Variants in TMEM106B observed in about 807,000 individuals in gnomAD.
The protein encoded by TMEM106B is transmembrane protein 106B.
A neutral mutation model predicts 31.1 loss-of-function variants in TMEM106B; 15 were observed. The ratio of observed to expected loss-of-function variants is 0.48; its 90% CI spans 0.32 to 0.74. The LOEUF is 0.74. Among genes scored for constraint, TMEM106B ranks in the 30% least tolerant of loss-of-function variants. The pLI, the probability that TMEM106B is intolerant of heterozygous loss-of-function variation, is 0.03. For missense variants in TMEM106B, 283 were observed against 327.3 expected, an observed-to-expected ratio of 0.86 and a Z score of 1.04; for synonymous variants, 126 against 112.5, an observed-to-expected ratio of 1.12 and a Z score of -0.76.
At chr7:12,212,229 G>T (rs1562700948) in intron 1 of TMEM106B, among the ~76,000 whole-genome samples, 1 of 152,108 alleles carries the variant, frequency 6.6e-6, no homozygotes, top group Non-Finnish European at 1.5e-5. Context: ...TTCTCAACGC[G>T]CTCCAGTTAA....
rs1215613546 is a variant in TMEM106B, at chr7:12,235,574, C to T, written c.*3599C>T. 6.6e-6 allele frequency: 1 copy of T among 151,856 alleles called. No individual in the cohort carries two copies. Among genetic ancestry groups the T allele is most frequent in the Admixed American group, 6.6e-5 (1 of 15,232 alleles). 9.4% of individuals were successfully genotyped at this position (151,856 alleles called of 1,614,324 possible). ...TAACATATTAGGAGACTTGAAACTT[C>T]AGCCTAATAAATCCTTCATGGTTCT... On this transcript the variant is annotated 3_prime_UTR_variant, in exon 8 of 8. Coordinates refer to ENST00000396668, the MANE Select transcript of TMEM106B (RefSeq NM_001134232.2).
chr7:12,231,192 A>T, intron 7 of TMEM106B, 77 bp downstream of exon 7: 1 of 1,066,310 alleles, frequency 9.4e-7, no homozygotes, highest in Non-Finnish European at 1.4e-6. Context: ...TAATATACAC[A>T]ACATCTTTAT....
chr7:12,237,498 T>C lies in TMEM106B; in HGVS notation c.*5523T>C, dbSNP rs192438099. 2 of 152,264 alleles carry C rather than the reference T, an allele frequency of 1.3e-5. No homozygotes were observed. Among genetic ancestry groups the C allele is most frequent in the African/African-American group, 2.4e-5 (1 of 41,572 alleles). The allele number at this position is 152,264 out of a possible 1,614,324, so 9.4% of individuals were successfully genotyped here. On this transcript the variant is annotated 3_prime_UTR_variant, in exon 8 of 8. Transcript: ENST00000396668. ...ATACGTGAAATTTCCCTTGATATTATAGACATACCTTGGATATATTGCAGG... is the reference window on the plus strand; with the variant it reads ...ATACGTGAAATTTCCCTTGATATTACAGACATACCTTGGATATATTGCAGG...
In TMEM106B at chr7:12,216,962, G is replaced by C. The variant is rs187416094; in HGVS notation, c.218-1496G>C. Reference sequence around the variant, plus strand: ...AGAGAGAAAATAGATTTTCTGAGGGGTTTGGCTCCATAGCAGAGAGAAGAG... The same window carrying C: ...AGAGAGAAAATAGATTTTCTGAGGGCTTTGGCTCCATAGCAGAGAGAAGAG... On this transcript the variant is annotated intron_variant, in intron 2 of 7. Transcript: ENST00000396668. Among the ~76,000 whole-genome samples, 371 of 152,254 alleles carry C rather than the reference G, an allele frequency of 2.4e-3. 2 individuals are homozygous for C. Among genetic ancestry groups the C allele is most frequent in the African/African-American group, 8.4e-3 (350 of 41,552 alleles).
chr7:12,225,428 C>T (rs1781881286), intron 4 of TMEM106B, among the ~76,000 whole-genome samples: 1 of 152,126 alleles, frequency 6.6e-6, no homozygotes, highest in South Asian at 2.1e-4. Flanking sequence ...GTTCTAGATC[C>T]TTGAAGAATC....
chr7:12,230,956 G>C lies in TMEM106B; in HGVS notation c.633-106G>C, dbSNP rs1782009545. The C allele has an allele frequency of 6.9e-6, 5 of 725,250 alleles. No individual in the cohort carries two copies. The South Asian group carries it at 1.1e-4, about 16-fold the overall frequency. 44.9% of individuals were successfully genotyped at this position (725,250 alleles called of 1,614,324 possible). A position where few individuals can be genotyped will look rare whatever the true frequency, so the allele number is the denominator to read the frequency against. On this transcript the variant is annotated intron_variant, in intron 6 of 7. Coordinates refer to ENST00000396668, the MANE Select transcript of TMEM106B (RefSeq NM_001134232.2). ...TATAGAAAATTCTCAACCAACAAAT[G>C]CTTATTATATTTCTTAGCATCTCTG...
chr7:12,216,382 A>G (rs1389862585), intron 2 of TMEM106B, among the ~76,000 whole-genome samples: 1 of 22,220 alleles, frequency 4.5e-5, no homozygotes, highest in African/African-American at 7.5e-4. Flanking sequence ...TTAAAATTGA[A>G]AAAAAAAAGA....
chr7:12,219,699 T>C (rs1260586175), intron 3 of TMEM106B, among the ~76,000 whole-genome samples: 1 of 151,970 alleles, frequency 6.6e-6, no homozygotes, highest in Non-Finnish European at 1.5e-5. Context: ...GAAAAACATT[T>C]CCACAAAACT....
intron 3 of TMEM106B, among the ~76,000 whole-genome samples, chr7:12,221,439 A>G (rs1781786017): frequency 6.6e-6 from 1 of 152,182 alleles, no homozygotes; most frequent in South Asian, 2.1e-4. Context: ...TTTTAGCAAT[A>G]AGACCAAAGA....
At position 12,242,342 on chromosome 7, in the gene TMEM106B, C is replaced by T. The variant is rs1372323313; in HGVS notation, c.*10367C>T. On this transcript the variant is annotated 3_prime_UTR_variant, in exon 8 of 8. Transcript: ENST00000396668. ...GAGCCGAGATTGCGCCACTGCAGTC[C>T]GCAGTCCGGCCTGGGCGACAGAGCG... 8.8e-5 allele frequency: 3 copies of T among 34,224 alleles called. 1 individual carries two copies. The highest frequency in any genetic ancestry group is 6.4e-4 in the African/African-American group (2 of 3,116). The allele number at this position is 34,224 out of a possible 1,614,324, so 2.1% of individuals were successfully genotyped here.
rs1554310865 is a variant in TMEM106B at position 12,233,235 on chromosome 7, A to ATTTGTTTTTTTTTTTTTTTTTTTTTTT, written c.*1263_*1264insGTTTTTTTTTTTTTTTTTTTTTTTTTT. 1.1e-5 allele frequency: 1 copy of ATTTGTTTTTTTTTTTTTTTTTTTTTTT among 87,216 alleles called. No homozygotes were observed. Among genetic ancestry groups the ATTTGTTTTTTTTTTTTTTTTTTTTTTT allele is most frequent in the Admixed American group, 1.2e-4 (1 of 8,144 alleles). 5.4% of individuals were successfully genotyped at this position (87,216 alleles called of 1,614,324 possible). The stretch of plus-strand genomic sequence containing the variant: ...TTTTATATTTTCAGTATCATTTTTC[A>ATTTGTTTTTTTTTTTTTTTTTTTTTTT]TTTTTTTTTTTTTTTGTCTTTTCAC... On this transcript the variant is annotated 3_prime_UTR_variant, in exon 8 of 8. Coordinates refer to ENST00000396668, the MANE Select transcript of TMEM106B (RefSeq NM_001134232.2).
chr7:12,223,140 T>C (rs531012787), intron 3 of TMEM106B, among the ~76,000 whole-genome samples: 1 of 152,312 alleles, frequency 6.6e-6, no homozygotes, highest in South Asian at 2.1e-4. Flanking sequence ...GAGGAAGTTT[T>C]TACCTACAAA....
chr7:12,234,318 A>T lies in TMEM106B; in HGVS notation c.*2343A>T, dbSNP rs1162960968. Reference sequence around the variant, plus strand: ...TCTTTTTTCTTCATCTTTTGAATTAATTTTTTTTATTATATCTACTTTTAG... The same window carrying T: ...TCTTTTTTCTTCATCTTTTGAATTATTTTTTTTTATTATATCTACTTTTAG... On this transcript the variant is annotated 3_prime_UTR_variant, in exon 8 of 8. Transcript: ENST00000396668. 6.6e-6 allele frequency: 1 copy of T among 151,696 alleles called. No homozygotes were observed. Among genetic ancestry groups the T allele is most frequent in the East Asian group, 1.9e-4 (1 of 5,192 alleles). 9.4% of individuals were successfully genotyped at this position (151,696 alleles called of 1,614,324 possible). A position where few individuals can be genotyped will look rare whatever the true frequency, so the allele number is the denominator to read the frequency against.
chr7:12,239,142 T>G lies in TMEM106B; in HGVS notation c.*7167T>G, dbSNP rs1782195628. On this transcript the variant is annotated 3_prime_UTR_variant, in exon 8 of 8. Coordinates refer to ENST00000396668, the MANE Select transcript of TMEM106B (RefSeq NM_001134232.2). ...ATTCTGGGTAACTTACTGCAGGTTC[T>G]CCATCAGCACTTACTGCTTCACCTT... 6.6e-6 allele frequency: 1 copy of G among 152,190 alleles called. No homozygotes were observed. The highest frequency in any genetic ancestry group is 1.5e-5 in the Non-Finnish European group (1 of 68,036). The allele number at this position is 152,190 out of a possible 1,614,324, so 9.4% of individuals were successfully genotyped here. A position where few individuals can be genotyped will look rare whatever the true frequency, so the allele number is the denominator to read the frequency against.
At chr7:12,227,817 C>G (rs146898416) in intron 4 of TMEM106B, among the ~76,000 whole-genome samples, 4 of 151,978 alleles carry the variant, frequency 2.6e-5, no homozygotes, top group African/African-American at 9.6e-5. Context: ...ACCTTTATTA[C>G]TAAATTTTTA....
intron 1 of TMEM106B, among the ~76,000 whole-genome samples, chr7:12,213,644 T>C (rs1033769126): frequency 1.3e-5 from 2 of 152,222 alleles, no homozygotes; most frequent in African/African-American, 4.8e-5. Flanking sequence ...ATTCTCATCA[T>C]AAGCATGATA....
rs1055460152 is a variant in TMEM106B, at chr7:12,241,230, A to G, written c.*9255A>G. On this transcript the variant is annotated 3_prime_UTR_variant, in exon 8 of 8. Coordinates refer to ENST00000396668, the MANE Select transcript of TMEM106B (RefSeq NM_001134232.2). ...ATGAAATACAAATAATTTTAATCCC[A>G]AATCTATTTCAGACACCTAACTTTT... is the stretch of plus-strand genomic sequence containing the variant. 1.3e-5 allele frequency: 2 copies of G among 152,134 alleles called. No individual in the cohort carries two copies. Among genetic ancestry groups the G allele is most frequent in the Non-Finnish European group, 2.9e-5 (2 of 68,016 alleles). 9.4% of individuals were successfully genotyped at this position (152,134 alleles called of 1,614,324 possible). A position where few individuals can be genotyped will look rare whatever the true frequency, so the allele number is the denominator to read the frequency against.
At chr7:12,218,566 G>GT (rs1781731316) in intron 3 of TMEM106B, 45 bp downstream of exon 3, 10 of 1,526,798 alleles carry the variant, frequency 6.5e-6, no homozygotes, top group Non-Finnish European at 8.0e-6. Context: ...TTTTATTTTT[G>GT]TTTTTTGTAT....
chr7:12,232,033 A>G lies in TMEM106B; in HGVS notation c.*58A>G, dbSNP rs868030095. On this transcript the variant is annotated 3_prime_UTR_variant, in exon 8 of 8. Transcript: ENST00000396668. ...TCTATTGATATTTCCTATACTCTCA[A>G]TGAAGAGGTATTTCCTAATAGGAGA... The G allele has an allele frequency of 5.7e-5, 86 of 1,521,306 alleles. 2 individuals carry two copies. In the Middle Eastern group the frequency reaches 8.9e-3, roughly 157 times the overall value. 94.2% of individuals were successfully genotyped at this position (1,521,306 alleles called of 1,614,324 possible).
Sources: gnomAD v4.1 joint callset for allele counts (sites outside exome capture counted in the v4.1 genomes callset) on GRCh38, gnomAD v4.1.1 for gene constraint, MANE v1.5 for transcripts, NCBI Gene and HGNC (gene_info 2026-07-23, HGNC 2026-07-21) for gene names.